ZNF345: variants seen among roughly 807,000 people sequenced by gnomAD.
ZNF345 encodes zinc finger protein HZF10.
For synonymous variants in ZNF345, 166 were observed against 187.9 expected, an observed-to-expected ratio of 0.88 and a Z score of 0.95; for missense variants, 527 against 589.9, an observed-to-expected ratio of 0.89 and a Z score of 1.10.
intron 2 of ZNF345, among the ~76,000 whole-genome samples, chr19:36,876,266 A>G (rs2072879209): frequency 2.0e-5 from 3 of 152,214 alleles, no homozygotes; most frequent in South Asian, 4.1e-4. Flanking sequence ...TTTGTGGATT[A>G]TCTTTCTTTT....
At chr19:36,862,972 T>C (rs1385244440) in intron 2 of ZNF345, 2 of 152,002 alleles carry the variant, frequency 1.3e-5, no homozygotes, top group East Asian at 3.9e-4. Context: ...GGAAAGACCA[T>C]GTGAGTGCAT....
At position 36,891,226 on chromosome 19, in the gene ZNF345, A is replaced by C. The variant is rs139624613; in HGVS notation, c.47-1592A>C. The C allele has an allele frequency of 5.7e-3, 1,907 of 337,460 alleles. 49 individuals carry two copies. Among genetic ancestry groups the C allele is most frequent in the Admixed American group, 0.043 (984 of 23,040 alleles). The allele number at this position is 337,460 out of a possible 1,614,324, so 20.9% of individuals were successfully genotyped here. A position where few individuals can be genotyped will look rare whatever the true frequency, so the allele number is the denominator to read the frequency against. ...CAGCTGTTAACAGAGGTTAGGAAAA[A>C]GGCATAGAACAGATCCTCAGAGTCC... On this transcript the variant is annotated intron_variant, in intron 3 of 3. Transcript: ENST00000526123.
chr19:36,881,454 A>G (rs960717324), downstream of ZNF345, among the ~76,000 whole-genome samples: 1 of 152,160 alleles, frequency 6.6e-6, no homozygotes, highest in Non-Finnish European at 1.5e-5. Flanking sequence ...AGAAATGGGT[A>G]TTATATAAGG....
At chr19:36,864,186 A>C (rs1258538055) in intron 2 of ZNF345, among the ~76,000 whole-genome samples, 1 of 152,220 alleles carries the variant, frequency 6.6e-6, no homozygotes, top group Non-Finnish European at 1.5e-5. Flanking sequence ...ATTGACCAGT[A>C]AGAAGTAAAG....
In ZNF345 at chr19:36,879,405, A is replaced by G. The variant is rs1023103014; in HGVS notation, c.*1108A>G. 3 of 167,060 alleles carry G rather than the reference A, an allele frequency of 1.8e-5. No homozygotes were observed. Among genetic ancestry groups the G allele is most frequent in the African/African-American group, 7.2e-5 (3 of 41,460 alleles). 10.3% of individuals were successfully genotyped at this position (167,060 alleles called of 1,614,324 possible). On this transcript the variant is annotated 3_prime_UTR_variant, in exon 3 of 3. Transcript: ENST00000420450. Reference sequence around the variant, plus strand: ...CTTTTGGAGCAAATCCTTTAATACTATCTCTCATTGTTTTGGAAACAAGGT... The same window carrying G: ...CTTTTGGAGCAAATCCTTTAATACTGTCTCTCATTGTTTTGGAAACAAGGT...
chr19:36,874,970 G>A (rs1214028741), intron 2 of ZNF345, among the ~76,000 whole-genome samples: 1 of 151,908 alleles, frequency 6.6e-6, no homozygotes, highest in Non-Finnish European at 1.5e-5. Context: ...TGTATGGCTA[G>A]AGAAATCTAG....
At chr19:36,891,699 G>A in intron 3 of ZNF345, 1 of 1,613,962 alleles carries the variant, frequency 6.2e-7, no homozygotes, top group Non-Finnish European at 8.5e-7. Flanking sequence ...TAAGTTCTGA[G>A]CTCTGAATAA....
intron 2 of ZNF345, among the ~76,000 whole-genome samples, chr19:36,861,717 C>T (rs972631406): frequency 1.3e-5 from 2 of 151,978 alleles, no homozygotes; most frequent in Admixed American, 6.6e-5. Flanking sequence ...TGCACCACCA[C>T]GCCCAGCAAA....
chr19:36,850,632 T>A (rs1433630688), upstream of ZNF345: 1 of 152,232 alleles, frequency 6.6e-6, no homozygotes, highest in Admixed American at 6.5e-5. Context: ...CAGAGGAGCC[T>A]GACTAAAGCT....
chr19:36,891,405 T>C (rs2073050027), intron 3 of ZNF345: 1 of 1,342,290 alleles, frequency 7.4e-7, no homozygotes, highest in Non-Finnish European at 1.0e-6. Context: ...GGAGAACCTT[T>C]GATAATATGT....
intron 2 of ZNF345, among the ~76,000 whole-genome samples, chr19:36,855,754 T>C (rs2072404588): frequency 7.7e-4 from 1 of 1,306 alleles, no homozygotes; most frequent in South Asian, 7.6e-3. Context: ...ACCCGGCCCA[T>C]GTTTCTTTTT....
chr19:36,870,573 T>C (rs1325937906), intron 2 of ZNF345, among the ~76,000 whole-genome samples: 1 of 152,208 alleles, frequency 6.6e-6, no homozygotes, highest in Admixed American at 6.5e-5. Context: ...AGTTCTGGTA[T>C]ATTTTTCAAC....
At chr19:36,863,051 A>C (rs1171501175) in intron 2 of ZNF345, 1 of 152,214 alleles carries the variant, frequency 6.6e-6, no homozygotes, top group Non-Finnish European at 1.5e-5. Flanking sequence ...CAATCAGCAT[A>C]ATCTTGGACT....
chr19:36,868,818 G>C (rs536353325), intron 2 of ZNF345, among the ~76,000 whole-genome samples: 10 of 151,966 alleles, frequency 6.6e-5, no homozygotes, highest in African/African-American at 2.4e-4. Flanking sequence ...TAGAGACAGG[G>C]TTTCACCATG....
At chr19:36,885,392 G>GT (rs1443491714) in intron 3 of ZNF345, among the ~76,000 whole-genome samples, 1 of 151,438 alleles carries the variant, frequency 6.6e-6, no homozygotes, top group Non-Finnish European at 1.5e-5. Context: ...AATTCTTTGT[G>GT]TATTTTGGAT....
chr19:36,875,497 A>T (rs1016825620), intron 2 of ZNF345, among the ~76,000 whole-genome samples: 3 of 151,998 alleles, frequency 2.0e-5, no homozygotes, highest in African/African-American at 7.2e-5. Flanking sequence ...TGGGGGGTGC[A>T]GGGAGGGATA....
exon 4 of ZNF345, chr19:36,892,888 C>G: frequency 2.6e-6 from 3 of 1,159,588 alleles, no homozygotes; most frequent in Non-Finnish European, 3.3e-6. Flanking sequence ...GCTCCGACTG[C>G]AAGGCCATCA....
Position 36,877,926 on chromosome 19 carries a change from G to A in ZNF345, c.1096G>A (p.Gly366Ser). The A allele has an allele frequency of 2.5e-6, 4 of 1,614,144 alleles. No homozygotes were observed. Among genetic ancestry groups the A allele is most frequent in the Non-Finnish European group, 3.4e-6 (4 of 1,180,016 alleles). ...TACTCAACATCACAGAATTCATACT[G>A]GTGAGAAACCCTATGAATGTAAGGA... ...DLTQHHRIHT[G>S]EKPYECKECG... is the part of the protein sequence containing the mutation. Residue 366 changes from glycine (G) to serine (S), a missense_variant, in exon 3 of 3, where the codon GGT becomes AGT. Coordinates refer to ENST00000420450, the MANE Select transcript of ZNF345 (RefSeq NM_001242472.2).
At chr19:36,870,591 T>C (rs974110277) in intron 2 of ZNF345, among the ~76,000 whole-genome samples, 6 of 152,246 alleles carry the variant, frequency 3.9e-5, no homozygotes, top group African/African-American at 1.4e-4. Context: ...AACCACTATA[T>C]TGATTCTTTG....
Sources: allele counts gnomAD v4.1 joint callset (sites outside exome capture counted in the v4.1 genomes callset), GRCh38; gene constraint gnomAD v4.1.1; transcripts MANE v1.5; gene names NCBI Gene and HGNC (gene_info 2026-07-23, HGNC 2026-07-21).